LMBR1: variants seen among roughly 807,000 people sequenced by gnomAD.
The protein encoded by LMBR1 is limb region 1 protein homolog.
In LMBR1, 52 loss-of-function variants were observed where a neutral mutation model predicts 73.9. That is an observed-to-expected ratio of 0.70 (90% CI 0.56 to 0.89). LMBR1 has a LOEUF of 0.89. LMBR1 is among the 40% of genes least tolerant of loss of function. LMBR1 has a pLI of 0.00. For synonymous variants in LMBR1, 215 were observed against 209.4 expected (o/e 1.03, Z -0.23); for missense variants, 539 against 579.8 (o/e 0.93, Z 0.72).
chr7:156,829,387 G>C (rs1188685521), intron 3 of LMBR1, among the ~76,000 whole-genome samples: 2 of 152,212 alleles, frequency 1.3e-5, no homozygotes, highest in Non-Finnish European at 2.9e-5. Flanking sequence ...GGAGCAGACA[G>C]ACCCTACAGT....
intron 1 of LMBR1, among the ~76,000 whole-genome samples, chr7:156,850,378 A>T (rs1185432738): frequency 3.9e-5 from 6 of 152,230 alleles, no homozygotes; most frequent in Admixed American, 6.5e-5. Flanking sequence ...ATTCTGTTTC[A>T]GTAGCACAAA....
intron 3 of LMBR1, among the ~76,000 whole-genome samples, chr7:156,829,416 C>A (rs1260708202): frequency 6.6e-6 from 1 of 152,150 alleles, no homozygotes; most frequent in Non-Finnish European, 1.5e-5. Context: ...AGTTCTCATT[C>A]TGTTAGTTCA....
chr7:156,711,958 A>C (rs1812167096), intron 15 of LMBR1, among the ~76,000 whole-genome samples: 1 of 152,232 alleles, frequency 6.6e-6, no homozygotes, highest in Non-Finnish European at 1.5e-5. Context: ...TTCATGACTT[A>C]AGACCTCGAA....
intron 15 of LMBR1, among the ~76,000 whole-genome samples, chr7:156,694,636 T>C (rs1807900076): frequency 6.6e-6 from 1 of 152,178 alleles, no homozygotes; most frequent in Admixed American, 6.5e-5. Context: ...TAAAATTATC[T>C]ACATATGCAG....
At chr7:156,689,095 A>T (rs1032062549) in intron 15 of LMBR1, among the ~76,000 whole-genome samples, 6 of 152,324 alleles carry the variant, frequency 3.9e-5, no homozygotes, top group African/African-American at 1.4e-4. Context: ...AAATAGTTTA[A>T]ATAGTCATTC....
intron 1 of LMBR1, among the ~76,000 whole-genome samples, chr7:156,884,539 C>A (rs1801587808): frequency 6.6e-6 from 1 of 152,162 alleles, no homozygotes. Flanking sequence ...CTTAAGCTAT[C>A]CAGTTACAGA....
At chr7:156,698,150 CT>C (rs1194508341) in intron 15 of LMBR1, among the ~76,000 whole-genome samples, 2 of 152,250 alleles carry the variant, frequency 1.3e-5, no homozygotes, top group African/African-American at 4.8e-5. Context: ...TCTCCTTTGA[CT>C]CCATGTCTCG....
intron 1 of LMBR1, among the ~76,000 whole-genome samples, chr7:156,868,489 C>T (rs183856107): frequency 2.1e-4 from 32 of 152,140 alleles, no homozygotes; most frequent in African/African-American, 7.7e-4. Flanking sequence ...GCCTGACCAA[C>T]GTGGTGAAAC....
chr7:156,676,389 C>T (rs186164908), downstream of LMBR1: 15 of 1,614,026 alleles, frequency 9.3e-6, no homozygotes, highest in East Asian at 1.1e-4. Flanking sequence ...AACTAACCCG[C>T]GTGGCCTCTT....
At chr7:156,809,553 A>C (rs1832731556) in intron 4 of LMBR1, among the ~76,000 whole-genome samples, 1 of 152,196 alleles carries the variant, frequency 6.6e-6, no homozygotes, top group Admixed American at 6.5e-5. Context: ...ATTATACTAT[A>C]TTGTTTAGGG....
intron 5 of LMBR1, among the ~76,000 whole-genome samples, chr7:156,774,503 A>G (rs954703668): frequency 2.6e-5 from 4 of 152,236 alleles, no homozygotes; most frequent in African/African-American, 7.2e-5. Context: ...AAAATGTGGT[A>G]CATATACACC....
intron 9 of LMBR1, among the ~76,000 whole-genome samples, chr7:156,752,663 A>C (rs1821123052): frequency 6.6e-6 from 1 of 152,216 alleles, no homozygotes; most frequent in Admixed American, 6.5e-5. Context: ...AAAATAGAAA[A>C]CAAGGTCACC....
At chr7:156,800,643 G>A (rs559079118) in intron 4 of LMBR1, among the ~76,000 whole-genome samples, 2 of 152,258 alleles carry the variant, frequency 1.3e-5, no homozygotes, top group East Asian at 3.9e-4. Context: ...GAGTAATTCT[G>A]ACTTTCAAGT....
chr7:156,857,719 C>T (rs1259828231), intron 1 of LMBR1, among the ~76,000 whole-genome samples: 1 of 152,118 alleles, frequency 6.6e-6, no homozygotes, highest in Non-Finnish European at 1.5e-5. Context: ...ATAAAGAATA[C>T]CTTAACAAAT....
At chr7:156,729,431 A>ATG (rs1373056309) in intron 10 of LMBR1, among the ~76,000 whole-genome samples, 26 of 151,232 alleles carry the variant, frequency 1.7e-4, no homozygotes, top group African/African-American at 6.3e-4. Context: ...ATATATATAT[A>ATG]TATCTGAATG....
intron 1 of LMBR1, among the ~76,000 whole-genome samples, chr7:156,875,975 A>C (rs575392150): frequency 6.6e-6 from 1 of 152,284 alleles, no homozygotes; most frequent in Admixed American, 6.5e-5. Flanking sequence ...CTCAAATCTC[A>C]ATATTAACAT....
chr7:156,717,832 A>G (rs760370610), intron 15 of LMBR1, among the ~76,000 whole-genome samples: 5 of 152,204 alleles, frequency 3.3e-5, no homozygotes, highest in Admixed American at 2.0e-4. Flanking sequence ...AGATTTTAAA[A>G]TTTTCTACAA....
At chr7:156,888,358 C>G (rs971408000) in intron 1 of LMBR1, among the ~76,000 whole-genome samples, 3 of 147,690 alleles carry the variant, frequency 2.0e-5, no homozygotes, top group Non-Finnish European at 4.5e-5. Context: ...TGCAGTGAGC[C>G]GAGATTGAGT....
chr7:156,705,986 G>A (rs149949717), intron 15 of LMBR1, among the ~76,000 whole-genome samples: 134 of 152,052 alleles, frequency 8.8e-4, no homozygotes, highest in Admixed American at 2.6e-3. Context: ...ATACAGATTG[G>A]TGGAATGGAT....
Sources: gnomAD v4.1 joint callset for allele counts (sites outside exome capture counted in the v4.1 genomes callset) on GRCh38, gnomAD v4.1.1 for gene constraint, MANE v1.5 for transcripts, NCBI Gene and HGNC (gene_info 2026-07-23, HGNC 2026-07-21) for gene names.